The following BRAT1 variants were observed in gnomAD, a reference collection of about 807,000 sequenced individuals.
BRAT1 encodes integrator complex assembly factor BRAT1.
A neutral mutation model predicts 70.6 loss-of-function variants in BRAT1; 74 were observed. The ratio of observed to expected loss-of-function variants is 1.05; its 90% CI spans 0.87 to 1.27. The LOEUF is 1.27. BRAT1 is among the 50% of genes most tolerant of loss of function. The pLI, the probability that BRAT1 is intolerant of heterozygous loss-of-function variation, is 0.00. For missense variants in BRAT1, 1,203 were observed against 1,098.2 expected, an observed-to-expected ratio of 1.10 and a Z score of -1.35; for synonymous variants, 615 against 517.1, an observed-to-expected ratio of 1.19 and a Z score of -2.57.
intron 3 of BRAT1, among the ~76,000 whole-genome samples, chr7:2,545,642 A>G (rs1399363492): frequency 3.3e-5 from 5 of 151,792 alleles, no homozygotes. Flanking sequence ...GGTGCCCACC[A>G]CCACACCCAG....
chr7:2,553,189 C>G (rs1050185378), intron 2 of BRAT1, among the ~76,000 whole-genome samples: 9 of 152,080 alleles, frequency 5.9e-5, no homozygotes, highest in African/African-American at 1.2e-4. Flanking sequence ...TGCCACCATG[C>G]CCGGCTAATT....
intron 2 of BRAT1, among the ~76,000 whole-genome samples, chr7:2,553,509 T>C (rs1052011895): frequency 7.0e-6 from 1 of 142,516 alleles, no homozygotes; most frequent in Non-Finnish European, 1.5e-5. Flanking sequence ...AAATTGTGTT[T>C]ACAGTATGAC....
In BRAT1 at chr7:2,541,447, A is replaced by C; in HGVS notation, c.1172T>G (p.Leu391Arg). ...RPSPWPQASL[L>R]GATVTVLRLC... ...CCGCAGGACAGTCACTGTAGCCCCC[A>C]GTAGAGACGCCTGGGGCCACGGTGA... The change falls in exon 9 of 14, where the codon CTG becomes CGG. Residue 391 changes from leucine to arginine, a missense_variant. Coordinates refer to ENST00000340611, the MANE Select transcript of BRAT1 (RefSeq NM_152743.4). The C allele has an allele frequency of 1.3e-6, 2 of 1,568,934 alleles. No homozygotes were observed. Among genetic ancestry groups the C allele is most frequent in the Non-Finnish European group, 1.7e-6 (2 of 1,157,980 alleles).
rs973051398 is a variant in BRAT1, at chr7:2,537,868, T to C, written c.*201A>G. Reference sequence around the variant, plus strand: ...AAAAAGGGTTAAAGAAAGACTTCAATGCCATTTATTTTGAGTAGAAATAAG... The same window carrying C: ...AAAAAGGGTTAAAGAAAGACTTCAACGCCATTTATTTTGAGTAGAAATAAG... On this transcript the variant is annotated 3_prime_UTR_variant, in exon 14 of 14. Transcript: ENST00000340611. 4 of 845,406 alleles carry C rather than the reference T, an allele frequency of 4.7e-6. No homozygotes were observed. In the Admixed American group the frequency reaches 1.5e-4, roughly 31 times the overall value. 52.4% of individuals were successfully genotyped at this position (845,406 alleles called of 1,614,324 possible). A position where few individuals can be genotyped will look rare whatever the true frequency, so the allele number is the denominator to read the frequency against.
At chr7:2,539,068 C>T (rs929152317) in intron 13 of BRAT1, 111 bp downstream of exon 13, 2 of 1,479,350 alleles carry the variant, frequency 1.4e-6, no homozygotes, top group Non-Finnish European at 1.8e-6. Context: ...GCGCTGCCCA[C>T]AGCAGCAGCT....
chr7:2,551,636 C>T (rs1000449521), intron 2 of BRAT1, among the ~76,000 whole-genome samples: 36 of 149,836 alleles, frequency 2.4e-4, no homozygotes, highest in Non-Finnish European at 5.2e-4. Flanking sequence ...GCCGTGTTCA[C>T]GCCATTGCAC....
At chr7:2,539,666 G>C in intron 11 of BRAT1, 24 bp from the exon 12 acceptor site, 1 of 1,570,330 alleles carries the variant, frequency 6.4e-7, no homozygotes, top group Middle Eastern at 1.7e-4. Flanking sequence ...GGACAGGTCA[G>C]GGTGACCTTG....
intron 13 of BRAT1, 47 bp downstream of exon 13, chr7:2,539,132 C>T (rs769961327): frequency 4.0e-5 from 62 of 1,556,754 alleles, no homozygotes; most frequent in East Asian, 3.6e-4. Flanking sequence ...CGAGCACACA[C>T]GATGGCCAGG....
intron 13 of BRAT1, 168 bp downstream of exon 13, chr7:2,539,011 G>A: frequency 2.1e-6 from 3 of 1,435,848 alleles, no homozygotes; most frequent in Non-Finnish European, 9.1e-7. Flanking sequence ...AAGCGCACAG[G>A]TCCCACACCC....
Position 2,541,771 on chromosome 7 carries a change from AG to A in BRAT1, c.1080del (p.Cys361AlafsTer35). 1 of 1,612,504 alleles carries A rather than the reference AG, an allele frequency of 6.2e-7. No homozygotes were observed. Among genetic ancestry groups the A allele is most frequent in the Non-Finnish European group, 8.5e-7 (1 of 1,179,830 alleles). On this transcript the variant is annotated frameshift_variant, in exon 8 of 14. Coordinates refer to ENST00000340611, the MANE Select transcript of BRAT1 (RefSeq NM_152743.4). LOFTEE classifies it high-confidence loss of function. ...AGGGTGCGGCACAGGAGGCCGGCGC[AG>A]GACGACTTGGAGGCCAGGAGTGTGT... ...TVDTLLASKSSCAGLLCRTLA... is the reference protein window; with the variant it reads ...TVDTLLASKSXCAGLLCRTLA...
intron 7 of BRAT1, 56 bp downstream of exon 7, chr7:2,542,064 T>G: frequency 7.0e-7 from 1 of 1,424,464 alleles, no homozygotes; most frequent in Non-Finnish European, 9.4e-7. Context: ...CCATCTCCCT[T>G]CCCCCAGCCG....
In BRAT1 at chr7:2,543,164, C is replaced by T. The variant is rs562685296; in HGVS notation, c.923+40G>A. The T allele has an allele frequency of 6.6e-7, 1 of 1,520,120 alleles. No homozygotes were observed. The allele number at this position is 1,520,120 out of a possible 1,614,324, so 94.2% of individuals were successfully genotyped here. ...TCAACCTCCCTGCCTGCCCCAGCTC[C>T]CAGCACCCGCCTCGGAATGAAATGC... On this transcript the variant is annotated intron_variant, in intron 6 of 13. Coordinates refer to ENST00000340611, the MANE Select transcript of BRAT1 (RefSeq NM_152743.4). The surrounding 1 kb of genome is among the most constrained non-coding windows in gnomAD (Gnocchi z 5.5).
At chr7:2,554,585 C>T (rs937376614) in intron 1 of BRAT1, 138 bp from the exon 2 acceptor site, 12 of 1,110,750 alleles carry the variant, frequency 1.1e-5, no homozygotes, top group Non-Finnish European at 1.4e-5. Context: ...AACCATGATC[C>T]CCAGACCAGA....
Position 2,541,441 on chromosome 7 carries a change from GCC to G in BRAT1, c.1176_1177del (p.Ala393TyrfsTer9). 6.4e-7 allele frequency: 1 copy of G among 1,573,690 alleles called. No homozygotes were observed. The highest frequency in any genetic ancestry group is 1.3e-5 in the African/African-American group (1 of 74,332). On this transcript the variant is annotated frameshift_variant, in exon 9 of 14. Coordinates refer to ENST00000340611, the MANE Select transcript of BRAT1 (RefSeq NM_152743.4). LOFTEE classifies it high-confidence loss of function. ...ACAGAGCCGCAGGACAGTCACTGTA[GCC>G]CCCAGTAGAGACGCCTGGGGCCACG...
At chr7:2,547,043 C>T (rs1293531694) in intron 3 of BRAT1, among the ~76,000 whole-genome samples, 1 of 88,958 alleles carries the variant, frequency 1.1e-5, no homozygotes, top group Non-Finnish European at 2.1e-5. Flanking sequence ...TGGAGGCTTG[C>T]GGCCGTGGGC....
At chr7:2,547,069 G>T (rs1353335701) in intron 3 of BRAT1, among the ~76,000 whole-genome samples, 1 of 141,814 alleles carries the variant, frequency 7.1e-6, no homozygotes, top group Non-Finnish European at 1.5e-5. Context: ...CAGACAGCTG[G>T]TCAGAGCTGG....
intron 4 of BRAT1, among the ~76,000 whole-genome samples, 183 bp downstream of exon 4, chr7:2,544,712 GCTGAGAAAGCCGTC>G (rs2128399188): frequency 6.6e-6 from 1 of 152,316 alleles, no homozygotes; most frequent in Admixed American, 6.5e-5. Context: ...TCTGTAAGTG[GCTGAGAAAGCCGTC>G]CTGGCTCCTA....
intron 13 of BRAT1, 152 bp downstream of exon 13, chr7:2,539,027 A>T (rs755567449): frequency 7.0e-7 from 1 of 1,437,660 alleles, no homozygotes; most frequent in African/African-American, 1.4e-5. Context: ...CACCCAGCAC[A>T]GCCCCAGGGC....
Position 2,554,412 on chromosome 7 carries a change from T to C in BRAT1, c.20A>G (p.Gln7Arg), listed in dbSNP as rs776341973. 6.2e-7 allele frequency: 1 copy of C among 1,613,780 alleles called. No individual in the cohort carries two copies. Among genetic ancestry groups the C allele is most frequent in the East Asian group, 2.2e-5 (1 of 44,880 alleles). ...AACAGCACAGAGAGCCGGGAGCAGC[T>C]GGGCGCATTCTGGGTCCATGGTGAG... MDPECAQLLPALCAVLV... is the reference protein window; with the variant it reads MDPECARLLPALCAVLV... The change falls in exon 2 of 14, where the codon CAG becomes CGG. Residue 7 changes from glutamine (Q) to arginine (R), a missense_variant. Physicochemically the swap from Gln to Arg is conservative, Grantham distance 43. Coordinates refer to ENST00000340611, the MANE Select transcript of BRAT1 (RefSeq NM_152743.4).
Sources: gnomAD v4.1 joint callset for allele counts (sites outside exome capture counted in the v4.1 genomes callset) on GRCh38, gnomAD v4.1.1 for gene constraint, Gnocchi (gnomAD v3.1) non-coding constraint, MANE v1.5 for transcripts, NCBI Gene and HGNC (gene_info 2026-07-23, HGNC 2026-07-21) for gene names.